ATP11A: variants seen among roughly 807,000 people sequenced by gnomAD.
ATP11A encodes the protein phospholipid-transporting ATPase IH.
A neutral mutation model predicts 154.4 loss-of-function variants in ATP11A; 81 were observed. The observed-to-expected ratio is 0.52, with a 90% CI of 0.44 to 0.63. The LOEUF (loss-of-function observed/expected upper bound fraction) is 0.63. Among genes scored for constraint, ATP11A ranks in the 30% least tolerant of loss-of-function variants. The pLI is 0.00. For synonymous variants in ATP11A, 623 were observed against 585.9 expected, an observed-to-expected ratio of 1.06 and a Z score of -0.91; for missense variants, 1,316 against 1,474.3, an observed-to-expected ratio of 0.89 and a Z score of 1.76.
chr13:112,735,347 G>A (rs1267043263), intron 1 of ATP11A, among the ~76,000 whole-genome samples: 1 of 152,186 alleles, frequency 6.6e-6, no homozygotes, highest in African/African-American at 2.4e-5. Context: ...GCAGCCCAGC[G>A]ATATAGCCTT....
intron 13 of ATP11A, among the ~76,000 whole-genome samples, chr13:112,831,878 ACACACATGCAGACACACGCACT>A (rs2079096837): frequency 6.6e-6 from 1 of 151,706 alleles, no homozygotes; most frequent in Non-Finnish European, 1.5e-5. Context: ...GTGTGCACAC[ACACACATGCAGACACACGCACT>A]CACACATGCC....
At chr13:112,776,572 T>G (rs1360325957) in intron 1 of ATP11A, among the ~76,000 whole-genome samples, 1 of 152,136 alleles carries the variant, frequency 6.6e-6, no homozygotes, top group Admixed American at 6.5e-5. Flanking sequence ...CTCTGTCAAG[T>G]AGGAAGTGAT....
intron 26 of ATP11A, among the ~76,000 whole-genome samples, chr13:112,872,976 G>T (rs2080578960): frequency 7.2e-6 from 1 of 139,332 alleles, no homozygotes. Context: ...TTGTCTTCCT[G>T]AGCGGTGTGA....
At chr13:112,849,569 G>A (rs1305115587) in intron 17 of ATP11A, among the ~76,000 whole-genome samples, 1 of 152,290 alleles carries the variant, frequency 6.6e-6, no homozygotes, top group East Asian at 1.9e-4. Context: ...TATATATCTT[G>A]TATGTTTTAT....
intron 1 of ATP11A, among the ~76,000 whole-genome samples, chr13:112,715,208 A>G (rs1359740175): frequency 6.6e-6 from 1 of 152,130 alleles, no homozygotes; most frequent in Non-Finnish European, 1.5e-5. Context: ...GCTTCTCAAA[A>G]GGACTAGCCC....
intron 1 of ATP11A, among the ~76,000 whole-genome samples, chr13:112,780,307 C>T (rs1417893949): frequency 6.6e-6 from 1 of 152,158 alleles, no homozygotes; most frequent in African/African-American, 2.4e-5. Flanking sequence ...TCGGCAGCCA[C>T]CACCGCCCTC....
chr13:112,840,323 CCCGTGCCCT>C, intron 16 of ATP11A, among the ~76,000 whole-genome samples: 18 of 135,102 alleles, frequency 1.3e-4, no homozygotes, highest in African/African-American at 3.1e-4. Flanking sequence ...TCCCCACTCT[CCCGTGCCCT>C]CCAGACTCAG....
chr13:112,828,114 G>GT (rs2078982065), intron 12 of ATP11A, among the ~76,000 whole-genome samples: 1 of 144,166 alleles, frequency 6.9e-6, no homozygotes. Flanking sequence ...GCGTTGAGTG[G>GT]GGGGAAGCGC....
At chr13:112,823,202 T>C in intron 8 of ATP11A, 143 bp from the exon 9 acceptor site, 1 of 680,782 alleles carries the variant, frequency 1.5e-6, no homozygotes, top group Non-Finnish European at 2.6e-6. Context: ...ATCATCTGAA[T>C]ATAAGCAAAC....
At chr13:112,716,200 A>G (rs1407638100) in intron 1 of ATP11A, among the ~76,000 whole-genome samples, 1 of 152,154 alleles carries the variant, frequency 6.6e-6, no homozygotes, top group East Asian at 1.9e-4. Flanking sequence ...TCCCATGAGA[A>G]GCATCCACCG....
intron 1 of ATP11A, among the ~76,000 whole-genome samples, chr13:112,756,006 G>C (rs965654921): frequency 7.6e-6 from 1 of 132,076 alleles, no homozygotes; most frequent in Middle Eastern, 5.7e-3. Context: ...CACGGAAACG[G>C]CACTCAGAGC....
chr13:112,723,103 C>T (rs573109094), intron 1 of ATP11A, among the ~76,000 whole-genome samples: 6 of 151,934 alleles, frequency 3.9e-5, no homozygotes, highest in Non-Finnish European at 8.8e-5. Context: ...CTGACGCCCG[C>T]AGGCGGGACT....
At chr13:112,751,633 C>G (rs2076692269) in intron 1 of ATP11A, among the ~76,000 whole-genome samples, 1 of 151,878 alleles carries the variant, frequency 6.6e-6, no homozygotes, top group African/African-American at 2.4e-5. Flanking sequence ...GCACTTCAGC[C>G]TGGGCGACAG....
At chr13:112,778,159 C>T (rs548073145) in intron 1 of ATP11A, among the ~76,000 whole-genome samples, 74 of 152,314 alleles carry the variant, frequency 4.9e-4, no homozygotes, top group African/African-American at 1.6e-3. Context: ...TATTTTTTAG[C>T]GGCCAGGTGA....
rs187641079 is a variant in ATP11A at position 112,878,818 on chromosome 13, C to T, written c.*9+515C>T. 2.3e-3 allele frequency among the ~76,000 whole-genome samples: 344 copies of T among 152,358 alleles called. 1 individual carries two copies. Among genetic ancestry groups the T allele is most frequent in the African/African-American group, 7.6e-3 (314 of 41,576 alleles). On this transcript the variant is annotated intron_variant, in intron 29 of 29. Transcript: ENST00000375645. ...TAACACGGTTTGCTCAGGACCCATG[C>T]ACATTTCAGAAAAGGGGAGCCAGGC...
chr13:112,756,965 C>T (rs1274824986), intron 1 of ATP11A, among the ~76,000 whole-genome samples: 1 of 151,510 alleles, frequency 6.6e-6, no homozygotes, highest in Non-Finnish European at 1.5e-5. Context: ...TTGTTACATA[C>T]TAGTTACATC....
At chr13:112,791,168 A>T (rs1427632549) in intron 2 of ATP11A, among the ~76,000 whole-genome samples, 1 of 152,234 alleles carries the variant, frequency 6.6e-6, no homozygotes, top group Non-Finnish European at 1.5e-5. Flanking sequence ...CTTAGAACTC[A>T]GCCTGCGCAG....
chr13:112,825,514 G>A lies in ATP11A; in HGVS notation c.957G>A (p.Gln319=). The change falls in exon 11 of 30, where the codon CAG becomes CAA. Residue 319 remains glutamine (Q), a synonymous_variant. Coordinates refer to ENST00000375645, the MANE Select transcript of ATP11A (RefSeq NM_015205.3). ...LINTVLKYMW[Q]SEPFRDEPWY... ...ACACTGTGCTGAAATACATGTGGCA[G>A]AGTGAGCCCTTTCGGGATGAGCCGT... is the stretch of plus-strand genomic sequence containing the variant. 3 of 1,614,028 alleles carry A rather than the reference G, an allele frequency of 1.9e-6. No homozygotes were observed. The highest frequency in any genetic ancestry group is 2.5e-6 in the Non-Finnish European group (3 of 1,179,896).
At chr13:112,825,343 A>G (rs2078905104) in intron 10 of ATP11A, 87 bp from the exon 11 acceptor site, 1 of 1,432,858 alleles carries the variant, frequency 7.0e-7, no homozygotes, top group Admixed American at 2.1e-5. Context: ...CTGTTTCTTC[A>G]CGAGGTGTCA....
Sources: gnomAD v4.1 joint callset for allele counts (sites outside exome capture counted in the v4.1 genomes callset) on GRCh38, gnomAD v4.1.1 for gene constraint, MANE v1.5 for transcripts, NCBI Gene and HGNC (gene_info 2026-07-23, HGNC 2026-07-21) for gene names.